Variants in ARHGEF4 observed in about 807,000 individuals in gnomAD.
The protein encoded by ARHGEF4 is Rho guanine nucleotide exchange factor 4.
A neutral mutation model predicts 162.0 loss-of-function variants in ARHGEF4; 119 were observed. The ratio of observed to expected loss-of-function variants is 0.73; its 90% CI spans 0.63 to 0.86. The LOEUF (loss-of-function observed/expected upper bound fraction) is 0.86. ARHGEF4 is among the 40% of genes least tolerant of loss of function. The pLI is 0.00. For missense variants in ARHGEF4, 2,488 were observed against 2,456.0 expected (o/e 1.01, Z -0.28); for synonymous variants, 1,014 against 979.9 (o/e 1.03, Z -0.65).
At chr2:130,991,545 G>A (rs765357257) in intron 4 of ARHGEF4, among the ~76,000 whole-genome samples, 2 of 152,192 alleles carry the variant, frequency 1.3e-5, no homozygotes. Flanking sequence ...CGGAGCAGCC[G>A]GCCGGCCCTG....
At position 130,874,822 on chromosome 2, in the gene ARHGEF4, A is replaced by G. The variant is rs1424608966; in HGVS notation, c.39+37830A>G. On this transcript the variant is annotated intron_variant, in intron 1 of 13. Coordinates refer to ENST00000409359, the MANE Select transcript of ARHGEF4 (RefSeq NM_001367493.1). ...CTGACAACCCACAGATCTGCGGTCCATTTCTATAATTTTTTCATTTCAAGA... is the reference window on the plus strand; with the variant it reads ...CTGACAACCCACAGATCTGCGGTCCGTTTCTATAATTTTTTCATTTCAAGA... Among the ~76,000 whole-genome samples the G allele has an allele frequency of 2.0e-5, 3 of 152,214 alleles. No individual in the cohort carries two copies. In the East Asian group the frequency reaches 5.8e-4, roughly 29 times the overall value.
At position 130,916,215 on chromosome 2, in the gene ARHGEF4, G is replaced by A. The variant is rs1306335795; in HGVS notation, c.2269G>A (p.Gly757Ser). The change falls in exon 2 of 14, where the codon GGC (glycine) becomes AGC (serine). Residue 757 changes from glycine to serine, a missense_variant. By Grantham distance (56) the Gly-to-Ser change is moderately conservative. Around this residue, in one of 6 missense-constraint regions of ARHGEF4, gnomAD observed 1,642 missense variants for 1,481.5 expected, o/e 1.11. Coordinates refer to ENST00000409359, the MANE Select transcript of ARHGEF4 (RefSeq NM_001367493.1). The stretch of plus-strand genomic sequence containing the variant: ...GCGTGGCCCGGAGGAGGCCCCCGAA[G>A]GCGGTGCTGCAGCAGCCCGGGGCCA... ...GERGPEEAPE[G>S]GAAAARGQRP... 6.5e-7 allele frequency: 1 copy of A among 1,546,212 alleles called. No homozygotes were observed. Among genetic ancestry groups the A allele is most frequent in the Non-Finnish European group, 8.7e-7 (1 of 1,145,972 alleles).
intron 4 of ARHGEF4, among the ~76,000 whole-genome samples, chr2:130,971,071 T>C (rs1271576890): frequency 6.6e-6 from 1 of 152,228 alleles, no homozygotes; most frequent in East Asian, 1.9e-4. Context: ...AGATCTATGA[T>C]CTATTTTGAG....
intron 4 of ARHGEF4, among the ~76,000 whole-genome samples, chr2:131,027,089 G>A (rs13005593): frequency 0.091 from 13,786 of 152,196 alleles, 723 homozygotes; most frequent in Middle Eastern, 0.17. Context: ...ACCCTCCAAC[G>A]CATGCCCAGG....
chr2:130,907,364 G>T (rs1250544222), intron 1 of ARHGEF4, among the ~76,000 whole-genome samples: 3 of 151,640 alleles, frequency 2.0e-5, no homozygotes, highest in Admixed American at 2.0e-4. Context: ...ACAGGCGCCT[G>T]CCACCATGCT....
chr2:130,917,523 C>T, intron 2 of ARHGEF4, 25 bp downstream of exon 2: 1 of 1,528,342 alleles, frequency 6.5e-7, no homozygotes, highest in East Asian at 2.5e-5. Flanking sequence ...CGCACCAAGC[C>T]TTTCCTGACC....
At chr2:130,951,474 CAG>C (rs776636772) in intron 4 of ARHGEF4, among the ~76,000 whole-genome samples, 19 of 152,154 alleles carry the variant, frequency 1.2e-4, no homozygotes, top group Non-Finnish European at 2.6e-4. Flanking sequence ...GGGAGAGAGA[CAG>C]AGGAATGGAT....
At chr2:130,991,753 C>T (rs546050876) in intron 4 of ARHGEF4, among the ~76,000 whole-genome samples, 2 of 152,238 alleles carry the variant, frequency 1.3e-5, no homozygotes, top group Non-Finnish European at 1.5e-5. Flanking sequence ...CTGTGCAGCC[C>T]GAGCCTCCCA....
At chr2:130,908,235 T>A (rs1680955074) in intron 1 of ARHGEF4, among the ~76,000 whole-genome samples, 1 of 152,222 alleles carries the variant, frequency 6.6e-6, no homozygotes, top group Non-Finnish European at 1.5e-5. Context: ...ATCACATTAT[T>A]GACTTGACTC....
At chr2:130,959,233 C>T (rs889969346) in intron 4 of ARHGEF4, among the ~76,000 whole-genome samples, 14 of 152,198 alleles carry the variant, frequency 9.2e-5, no homozygotes, top group African/African-American at 1.7e-4. Context: ...TGAGCCACCA[C>T]GCCCAGCCTA....
At chr2:130,903,300 C>T (rs574382621) in intron 1 of ARHGEF4, among the ~76,000 whole-genome samples, 7 of 151,208 alleles carry the variant, frequency 4.6e-5, no homozygotes, top group Admixed American at 2.6e-4. Flanking sequence ...CTCGCTGTCA[C>T]CAGGCTAGAG....
chr2:131,032,105 C>A (rs1689891794), intron 5 of ARHGEF4, among the ~76,000 whole-genome samples: 3 of 152,096 alleles, frequency 2.0e-5, no homozygotes, highest in South Asian at 4.1e-4. Context: ...TGCTTCTGCC[C>A]CACCTCATGG....
At position 131,043,460 on chromosome 2, in the gene ARHGEF4, T is replaced by C. The variant is rs1470303472; in HGVS notation, c.5034T>C (p.Asp1678=). 6.2e-6 allele frequency: 10 copies of C among 1,613,914 alleles called. No individual in the cohort carries two copies. Among genetic ancestry groups the C allele is most frequent in the Non-Finnish European group, 7.6e-6 (9 of 1,179,994 alleles). ...CCTTGGGATCTTCCCAGGGAGAAGA[T>C]CTCTTGGTCAGGAGCTCAGAACTCA... The part of the protein sequence containing the change: ...QSSIEDWEGE[D]LLVRSSELIY... The change falls in exon 11 of 14, where the codon GAT becomes GAC. Residue 1678 remains aspartate, a synonymous_variant. Coordinates refer to ENST00000409359, the MANE Select transcript of ARHGEF4 (RefSeq NM_001367493.1).
intron 11 of ARHGEF4, 36 bp from the exon 12 acceptor site, chr2:131,044,263 G>A (rs749832479): frequency 1.9e-5 from 30 of 1,605,738 alleles, no homozygotes; most frequent in African/African-American, 6.7e-5. Flanking sequence ...TCAGGGGAGC[G>A]GTTCAGCAGC....
At chr2:130,999,624 G>A (rs1687641533) in intron 4 of ARHGEF4, among the ~76,000 whole-genome samples, 1 of 152,132 alleles carries the variant, frequency 6.6e-6, no homozygotes, top group African/African-American at 2.4e-5. Flanking sequence ...GTTTTTGAGT[G>A]TTGTTTCCCT....
chr2:130,957,322 C>T (rs749195852), intron 4 of ARHGEF4, among the ~76,000 whole-genome samples: 13 of 151,342 alleles, frequency 8.6e-5, no homozygotes, highest in East Asian at 1.9e-4. Flanking sequence ...ATACATGCTG[C>T]GACATAGATG....
At chr2:130,981,903 A>G (rs1242071156) in intron 4 of ARHGEF4, among the ~76,000 whole-genome samples, 1 of 152,240 alleles carries the variant, frequency 6.6e-6, no homozygotes, top group African/African-American at 2.4e-5. Flanking sequence ...TGCCAGCACT[A>G]TCCATGCAAA....
At chr2:131,031,004 G>A (rs1573662727) in intron 5 of ARHGEF4, among the ~76,000 whole-genome samples, 1 of 152,228 alleles carries the variant, frequency 6.6e-6, no homozygotes, top group African/African-American at 2.4e-5. Context: ...CTAGAGATGA[G>A]CAAAGCAACA....
intron 5 of ARHGEF4, among the ~76,000 whole-genome samples, chr2:131,034,271 C>T (rs940217091): frequency 2.6e-5 from 4 of 152,176 alleles, no homozygotes; most frequent in African/African-American, 9.7e-5. Flanking sequence ...AGCCCTCTCC[C>T]CTGCAGTCTT....
Sources: allele counts gnomAD v4.1 joint callset (sites outside exome capture counted in the v4.1 genomes callset), GRCh38; gene constraint gnomAD v4.1.1; regional missense constraint gnomAD v4.1.1; transcripts MANE v1.5; gene names NCBI Gene and HGNC (gene_info 2026-07-23, HGNC 2026-07-21).